The following ADCY2 variants were observed in gnomAD, a reference collection of about 807,000 sequenced individuals.
ADCY2 encodes the protein adenylate cyclase type 2.
In ADCY2, 31 loss-of-function variants were observed where a neutral mutation model predicts 125.2. The observed-to-expected ratio is 0.25, with a 90% CI of 0.19 to 0.33. The LOEUF (loss-of-function observed/expected upper bound fraction) is 0.33, where lower values mean the gene tolerates loss of function less well. Among genes scored for constraint, ADCY2 ranks in the 10% least tolerant of loss-of-function variants. The pLI is 1.00. For synonymous variants in ADCY2, 512 were observed against 548.4 expected, an observed-to-expected ratio of 0.93 and a Z score of 0.93; for missense variants, 904 against 1,418.2, an observed-to-expected ratio of 0.64 and a Z score of 5.82.
At chr5:7,443,360 G>A (rs977455719) in intron 2 of ADCY2, among the ~76,000 whole-genome samples, 1 of 151,920 alleles carries the variant, frequency 6.6e-6, no homozygotes, top group African/African-American at 2.4e-5. Flanking sequence ...TTGTTTTATT[G>A]TGGAATACAA....
intron 2 of ADCY2, among the ~76,000 whole-genome samples, chr5:7,513,690 T>C (rs1744159791): frequency 6.6e-6 from 1 of 152,206 alleles, no homozygotes; most frequent in Non-Finnish European, 1.5e-5. Flanking sequence ...CATTTCTAGT[T>C]GTATTCTGCA....
chr5:7,764,969 A>G (rs1401070867), intron 16 of ADCY2, among the ~76,000 whole-genome samples: 1 of 152,210 alleles, frequency 6.6e-6, no homozygotes, highest in Non-Finnish European at 1.5e-5. Flanking sequence ...GGTAGTTGAT[A>G]TTAATAAATA....
intron 3 of ADCY2, among the ~76,000 whole-genome samples, chr5:7,554,341 A>G (rs1224988178): frequency 2.6e-5 from 4 of 152,200 alleles, no homozygotes; most frequent in Non-Finnish European, 4.4e-5. Flanking sequence ...GAGGGTTCCA[A>G]TGACATTCTA....
At chr5:7,753,223 T>C (rs1278383792) in intron 15 of ADCY2, among the ~76,000 whole-genome samples, 3 of 152,204 alleles carry the variant, frequency 2.0e-5, no homozygotes, top group Admixed American at 6.5e-5. Flanking sequence ...TTTCTTCTTT[T>C]ATTACATCTC....
At chr5:7,632,287 C>A (rs1738340057) in intron 4 of ADCY2, among the ~76,000 whole-genome samples, 1 of 145,504 alleles carries the variant, frequency 6.9e-6, no homozygotes, top group Admixed American at 6.8e-5. Context: ...TTAAACTCTT[C>A]CACGCCCCCT....
chr5:7,580,991 A>G (rs1008944400), intron 3 of ADCY2, among the ~76,000 whole-genome samples: 3 of 152,202 alleles, frequency 2.0e-5, no homozygotes, highest in African/African-American at 7.2e-5. Context: ...TTCAAGAATT[A>G]AGACAAAATG....
At chr5:7,452,094 G>A (rs909026176) in intron 2 of ADCY2, among the ~76,000 whole-genome samples, 3 of 152,076 alleles carry the variant, frequency 2.0e-5, no homozygotes, top group African/African-American at 7.2e-5. Context: ...TGTATTTTTA[G>A]TAGAGACAGA....
chr5:7,679,011 G>C (rs1740226736), intron 4 of ADCY2, among the ~76,000 whole-genome samples: 1 of 152,192 alleles, frequency 6.6e-6, no homozygotes. Flanking sequence ...TCTGTACTGG[G>C]AACAAAATAT....
chr5:7,466,932 A>C (rs184435545), intron 2 of ADCY2, among the ~76,000 whole-genome samples: 138 of 152,260 alleles, frequency 9.1e-4, no homozygotes, highest in African/African-American at 3.2e-3. Flanking sequence ...ATGGTGTTAA[A>C]GTGGTATGCA....
intron 3 of ADCY2, among the ~76,000 whole-genome samples, chr5:7,545,868 T>C (rs1455038823): frequency 3.3e-5 from 5 of 152,172 alleles, no homozygotes; most frequent in Non-Finnish European, 5.9e-5. Flanking sequence ...GGAGATTGAA[T>C]GTACTGTCAG....
rs536421111 is a variant in ADCY2, at chr5:7,414,906, T to A, written c.408+136T>A. On this transcript the variant is annotated intron_variant, in intron 2 of 24. Transcript: ENST00000338316. ...CAGAGTCTATTTTTTTCGATTTATA[T>A]TGCTAAAATTTATTTTTAATCAACA... 40 of 657,108 alleles carry A rather than the reference T, an allele frequency of 6.1e-5. No individual in the cohort carries two copies. The East Asian group carries it at 1.1e-3, about 19-fold the overall frequency. 40.7% of individuals were successfully genotyped at this position (657,108 alleles called of 1,614,324 possible).
chr5:7,794,318 A>T (rs1744352649), intron 20 of ADCY2: 1 of 152,160 alleles, frequency 6.6e-6, no homozygotes, highest in African/African-American at 2.4e-5. Flanking sequence ...CCATTGTAAG[A>T]CTTGGGGACT....
intron 2 of ADCY2, among the ~76,000 whole-genome samples, chr5:7,476,745 A>C (rs1013066372): frequency 2.0e-5 from 3 of 152,200 alleles, no homozygotes; most frequent in African/African-American, 7.2e-5. Flanking sequence ...GATCTCCAGA[A>C]ATCTCTTCAT....
intron 17 of ADCY2, 50 bp downstream of exon 17, chr5:7,766,856 T>C (rs1560968517): frequency 6.3e-7 from 1 of 1,589,768 alleles, no homozygotes. Flanking sequence ...TGTATGCTCG[T>C]AGTCTGTATA....
At chr5:7,567,466 G>A (rs1302180631) in intron 3 of ADCY2, among the ~76,000 whole-genome samples, 1 of 152,242 alleles carries the variant, frequency 6.6e-6, no homozygotes, top group Admixed American at 6.5e-5. Context: ...TTCAAGGGCT[G>A]TGTTCTTCTT....
At chr5:7,646,786 C>T (rs1033181204) in intron 4 of ADCY2, among the ~76,000 whole-genome samples, 1 of 152,182 alleles carries the variant, frequency 6.6e-6, no homozygotes, top group Admixed American at 6.5e-5. Flanking sequence ...TAACGAATTT[C>T]ACATTCCATA....
At chr5:7,454,986 T>A (rs1209478795) in intron 2 of ADCY2, among the ~76,000 whole-genome samples, 1 of 152,174 alleles carries the variant, frequency 6.6e-6, no homozygotes, top group Non-Finnish European at 1.5e-5. Flanking sequence ...CAGTATTGAA[T>A]GTAAAAGTGA....
At chr5:7,659,849 C>T (rs568225211) in intron 4 of ADCY2, among the ~76,000 whole-genome samples, 145 of 152,342 alleles carry the variant, frequency 9.5e-4, no homozygotes, top group African/African-American at 3.4e-3. Context: ...TACCTGCTTT[C>T]CAAACTGGTG....
chr5:7,661,298 A>G (rs1275647261), intron 4 of ADCY2, among the ~76,000 whole-genome samples: 1 of 152,226 alleles, frequency 6.6e-6, no homozygotes, highest in Non-Finnish European at 1.5e-5. Flanking sequence ...TAAAAGATCT[A>G]CTTTTTAATA....
Sources: allele counts gnomAD v4.1 joint callset (sites outside exome capture counted in the v4.1 genomes callset), GRCh38; gene constraint gnomAD v4.1.1; transcripts MANE v1.5; gene names NCBI Gene and HGNC (gene_info 2026-07-23, HGNC 2026-07-21).